The following DIS3L variants were observed in gnomAD, a reference collection of about 807,000 sequenced individuals.
DIS3L encodes the protein DIS3 like exosome 3'-5' exoribonuclease, also known as DIS3-like exonuclease 1.
In DIS3L, 100 loss-of-function variants were observed where a neutral mutation model predicts 120.3. That is an observed-to-expected ratio of 0.83 (90% CI 0.71 to 0.98). The LOEUF (loss-of-function observed/expected upper bound fraction) is 0.98. DIS3L is among the 50% of genes least tolerant of loss of function. The pLI is 0.00. For synonymous variants in DIS3L, 426 were observed against 470.6 expected (o/e 0.91, Z 1.23); for missense variants, 1,196 against 1,314.2 (o/e 0.91, Z 1.39).
intron 8 of DIS3L, 55 bp from the exon 9 acceptor site, chr15:66,320,516 T>C (rs974572247): frequency 3.2e-6 from 5 of 1,547,310 alleles, no homozygotes; most frequent in Middle Eastern, 1.7e-4. Flanking sequence ...ATGCCTCTAA[T>C]TGACCCACTT....
In DIS3L at chr15:66,320,701, GTATTTCAGT is replaced by G; in HGVS notation, c.1300_1308del (p.Ser434_Ile436del). On this transcript the variant is annotated inframe_deletion, in exon 9 of 17. Transcript: ENST00000319212. ...ATTGCAACCATCCTGGTGGAAAACA[GTATTTCAGT>G]TATTCCTTTCTCAGAAGCTCAGGTC... 6.2e-7 allele frequency: 1 copy of G among 1,613,976 alleles called. No homozygotes were observed. The highest frequency in any genetic ancestry group is 8.5e-7 in the Non-Finnish European group (1 of 1,179,944).
rs35793974 is a variant in DIS3L at position 66,333,728 on chromosome 15, C to CAAAAAAAA, written c.*434_*441dup. ...TGGGCAACAGAGCGAGACTCCATCTCAAAAAAAAAAAAAAAAAAAAAAAAA... is the reference window on the plus strand; with the variant it reads ...TGGGCAACAGAGCGAGACTCCATCTCAAAAAAAAAAAAAAAAAAAAAAAAAAAAAAAAA... On this transcript the variant is annotated 3_prime_UTR_variant, in exon 17 of 17. Transcript: ENST00000319212. The CAAAAAAAA allele has an allele frequency of 1.2e-5, 1 of 80,846 alleles. No homozygotes were observed. The allele number at this position is 80,846 out of a possible 1,614,324, so 5.0% of individuals were successfully genotyped here.
intron 2 of DIS3L, among the ~76,000 whole-genome samples, chr15:66,298,104 G>A (rs949483948): frequency 5.3e-5 from 8 of 150,742 alleles, no homozygotes; most frequent in African/African-American, 1.2e-4. Flanking sequence ...GCTTGAACCC[G>A]GGAGGCGGAG....
chr15:66,327,955 G>A (rs2092956302), intron 12 of DIS3L, among the ~76,000 whole-genome samples: 1 of 152,120 alleles, frequency 6.6e-6, no homozygotes, highest in Non-Finnish European at 1.5e-5. Context: ...CAGAGGCTGA[G>A]GTGCGAGAAT....
intron 2 of DIS3L, among the ~76,000 whole-genome samples, chr15:66,302,324 G>A (rs1022977951): frequency 1.3e-5 from 2 of 152,054 alleles, no homozygotes; most frequent in African/African-American, 2.4e-5. Flanking sequence ...CCATGATCGC[G>A]CTGCTGCTCT....
chr15:66,302,181 A>C (rs1335352255), intron 2 of DIS3L, among the ~76,000 whole-genome samples: 2 of 152,134 alleles, frequency 1.3e-5, no homozygotes, highest in Non-Finnish European at 2.9e-5. Context: ...TGGCTAACAT[A>C]GTGAGACCCT....
chr15:66,332,498 GTGTGTGTGTGTGTGTGTA>G (rs2093010725), intron 15 of DIS3L, among the ~76,000 whole-genome samples: 1 of 132,724 alleles, frequency 7.5e-6, no homozygotes, highest in Non-Finnish European at 1.7e-5. Context: ...GTGTGTGTGT[GTGTGTGTGTGTGTGTGTA>G]TATATATACA....
chr15:66,315,090 A>C lies in DIS3L; in HGVS notation c.869A>C (p.His290Pro), dbSNP rs758080730. 1 of 1,613,982 alleles carries C rather than the reference A, an allele frequency of 6.2e-7. No homozygotes were observed. Among genetic ancestry groups the C allele is most frequent in the Non-Finnish European group, 8.5e-7 (1 of 1,180,022 alleles). The change falls in exon 7 of 17, where the codon CAT becomes CCT. Residue 290 changes from histidine (H) to proline (P), a missense_variant. His to Pro is a moderately conservative substitution (Grantham distance 77). Coordinates refer to ENST00000319212, the MANE Select transcript of DIS3L (RefSeq NM_001143688.3). ...ATGAAGGCTCGAAACCGCTCAATTCATGGAGATGTGGTAGTTGTGGAGCTG... is the reference window on the plus strand; with the variant it reads ...ATGAAGGCTCGAAACCGCTCAATTCCTGGAGATGTGGTAGTTGTGGAGCTG... ...HGMKARNRSI[H>P]GDVVVVELLP... is the part of the protein sequence containing the mutation.
At chr15:66,330,409 A>G (rs1334133056) in intron 14 of DIS3L, 7 of 985,172 alleles carry the variant, frequency 7.1e-6, no homozygotes, top group South Asian at 9.4e-5. Flanking sequence ...TTTCTATTCT[A>G]TTTCATATTA....
At chr15:66,294,069 A>G in intron 1 of DIS3L, 7 of 986,256 alleles carry the variant, frequency 7.1e-6, no homozygotes, top group Non-Finnish European at 8.4e-6. Context: ...TCCCGCCGCA[A>G]CCTCGCGCCG....
At chr15:66,309,101 A>ATATATATATATATATATATATATC (rs2092734785) in intron 4 of DIS3L, among the ~76,000 whole-genome samples, 1 of 112,172 alleles carries the variant, frequency 8.9e-6, no homozygotes, top group Admixed American at 1.0e-4. Flanking sequence ...AAAAATATAT[A>ATATATATATATATATATATATATC]TATCTCCAAG....
At chr15:66,305,288 C>T (rs1037656832) in intron 2 of DIS3L, among the ~76,000 whole-genome samples, 8 of 152,058 alleles carry the variant, frequency 5.3e-5, no homozygotes, top group South Asian at 2.1e-4. Context: ...TGTGAGCCAC[C>T]GCACCCAGCC....
In DIS3L at chr15:66,323,583, T is replaced by C. The variant is rs779450551; in HGVS notation, c.1665T>C (p.Asp555=). The change falls in exon 11 of 17, where the codon GAT becomes GAC. Residue 555 remains aspartate (D), a splice_region_variant and synonymous_variant. Coordinates refer to ENST00000319212, the MANE Select transcript of DIS3L (RefSeq NM_001143688.3). ...TGTGTTCCCTTCTGGGAGGCGTTGA[T>C]AGGTGAGTTTATGGCTTTTGTCTTC... is the stretch of plus-strand genomic sequence containing the variant. The part of the protein sequence containing the change: ...ADLCSLLGGV[D]RYAVSIMWEL... The C allele has an allele frequency of 6.2e-7, 1 of 1,614,220 alleles. No individual in the cohort carries two copies. The highest frequency in any genetic ancestry group is 8.5e-7 in the Non-Finnish European group (1 of 1,180,008).
Position 66,298,614 on chromosome 15 carries a change from C to T in DIS3L, c.293+3473C>T, listed in dbSNP as rs115296421. On this transcript the variant is annotated intron_variant, in intron 2 of 16. Transcript: ENST00000319212. ...TTTCCTATTTTGACTTCAATAATAT[C>T]AATGCAGAGAATGCTTGTTCTCATA... is the stretch of plus-strand genomic sequence containing the variant. 3.6e-3 allele frequency among the ~76,000 whole-genome samples: 551 copies of T among 152,284 alleles called. 2 individuals are homozygous for T. The highest frequency in any genetic ancestry group is 0.013 in the African/African-American group (527 of 41,548).
At position 66,318,451 on chromosome 15, in the gene DIS3L, C is replaced by T. The variant is rs141249657; in HGVS notation, c.997C>T (p.Arg333Ter). Reference sequence around the variant, plus strand: ...TGTTTTGTTTTGTTTTGCCAAAGGTCGAGTGGTGGGCATACTTCAGAAGAA... The same window carrying T: ...TGTTTTGTTTTGTTTTGCCAAAGGTTGAGTGGTGGGCATACTTCAGAAGAA... ...ESPSEPMPTG[R>*]VVGILQKNWR... is the part of the protein sequence containing the mutation. The change falls in exon 8 of 17, where the codon CGA becomes TGA. Residue 333 changes from arginine (R) to a stop codon, truncating the protein, a stop_gained and splice_region_variant. Coordinates refer to ENST00000319212, the MANE Select transcript of DIS3L (RefSeq NM_001143688.3). LOFTEE classifies it high-confidence loss of function. 265 of 1,613,054 alleles carry T rather than the reference C, an allele frequency of 1.6e-4. 1 individual carries two copies. The highest frequency in any genetic ancestry group is 2.7e-4 in the Admixed American group (16 of 59,842).
At chr15:66,316,379 G>A (rs1468929243) in intron 7 of DIS3L, among the ~76,000 whole-genome samples, 1 of 151,690 alleles carries the variant, frequency 6.6e-6, no homozygotes, top group Non-Finnish European at 1.5e-5. Flanking sequence ...TCAGCCACCT[G>A]CCATACTTCC....
intron 1 of DIS3L, chr15:66,294,415 G>C: frequency 9.1e-6 from 9 of 985,624 alleles, no homozygotes; most frequent in African/African-American, 1.7e-5. Flanking sequence ...CCTTGTCAGC[G>C]AATGTGTGGA....
chr15:66,314,074 A>G lies in DIS3L; in HGVS notation c.771A>G (p.Ile257Met). Reference sequence around the variant, plus strand: ...ATGTCAACAAACACAGAGCCCAAATAGAAGCTTTTGTTCGACTTCAAGGAG... The same window carrying G: ...ATGTCAACAAACACAGAGCCCAAATGGAAGCTTTTGTTCGACTTCAAGGAG... ...ILNVNKHRAQ[I>M]EAFVRLQGAS... The change falls in exon 6 of 17, where the codon ATA (isoleucine) becomes ATG (methionine). Residue 257 changes from isoleucine to methionine, a missense_variant. Physicochemically the swap from Ile to Met is conservative, Grantham distance 10. Coordinates refer to ENST00000319212, the MANE Select transcript of DIS3L (RefSeq NM_001143688.3). The G allele has an allele frequency of 6.5e-7, 1 of 1,534,948 alleles. No homozygotes were observed.
rs546152669 is a variant in DIS3L, at chr15:66,333,479, C to T, written c.*167C>T. ...GGCACGGTGGCTCACGCCTGTAACC[C>T]CAGCACTTTGGGAGGCTGAGGCGGG... is the stretch of plus-strand genomic sequence containing the variant. On this transcript the variant is annotated 3_prime_UTR_variant, in exon 17 of 17. Transcript: ENST00000319212. 1.5e-6 allele frequency: 1 copy of T among 667,626 alleles called. No individual in the cohort carries two copies. The highest frequency in any genetic ancestry group is 2.3e-5 in the South Asian group (1 of 42,618). The allele number at this position is 667,626 out of a possible 1,614,324, so 41.4% of individuals were successfully genotyped here.
Sources: gnomAD v4.1 joint callset for allele counts (sites outside exome capture counted in the v4.1 genomes callset) on GRCh38, gnomAD v4.1.1 for gene constraint, MANE v1.5 for transcripts, NCBI Gene and HGNC (gene_info 2026-07-23, HGNC 2026-07-21) for gene names.